CATSPERG: variants seen among roughly 807,000 people sequenced by gnomAD.
The protein encoded by CATSPERG is catsper channel auxiliary subunit gamma.
CATSPERG carries 115 observed loss-of-function variants against 145.0 expected under a neutral mutation model. The observed-to-expected ratio is 0.79, with a 90% CI of 0.68 to 0.93. The LOEUF (loss-of-function observed/expected upper bound fraction) is 0.93, where lower values mean the gene tolerates loss of function less well. Ranked by LOEUF, CATSPERG falls within the 40% of genes least tolerant of loss-of-function variation. The pLI, the probability that CATSPERG is intolerant of heterozygous loss-of-function variation, is 0.00. For synonymous variants in CATSPERG, 588 were observed against 589.0 expected (o/e 1.00, Z 0.02); for missense variants, 1,296 against 1,490.1 (o/e 0.87, Z 2.14).
intron 3 of CATSPERG, among the ~76,000 whole-genome samples, chr19:38,339,542 G>A (rs1969902360): frequency 6.6e-6 from 1 of 152,080 alleles, no homozygotes; most frequent in African/African-American, 2.4e-5. Context: ...TCGGCACACT[G>A]CAGTCTCTGC....
intron 6 of CATSPERG, 94 bp from the exon 7 acceptor site, chr19:38,346,356 C>T: frequency 8.5e-7 from 1 of 1,177,888 alleles, no homozygotes; most frequent in African/African-American, 1.6e-5. Context: ...TCGCGTGGGG[C>T]CTTGTGGGTC....
rs1970462288 is a variant in CATSPERG at position 38,367,068 on chromosome 19, G to A, written c.2614-88G>A. ...AGGCAGCTGGTGGTGGTGTTTGTGG[G>A]AGGGGGACTGTCCTTCCTGCCCCTT... On this transcript the variant is annotated intron_variant, in intron 22 of 28. Transcript: ENST00000409235. The A allele has an allele frequency of 1.7e-5, 21 of 1,271,680 alleles. No homozygotes were observed. In the South Asian group the frequency reaches 3.2e-4, roughly 19 times the overall value. The allele number at this position is 1,271,680 out of a possible 1,614,324, so 78.8% of individuals were successfully genotyped here. A position where few individuals can be genotyped will look rare whatever the true frequency, so the allele number is the denominator to read the frequency against.
intron 13 of CATSPERG, 30 bp downstream of exon 13, chr19:38,358,591 G>A: frequency 6.2e-7 from 1 of 1,613,728 alleles, no homozygotes; most frequent in Non-Finnish European, 8.5e-7. Flanking sequence ...GGGTGGGCCA[G>A]GCATACTCTG....
intron 7 of CATSPERG, among the ~76,000 whole-genome samples, chr19:38,346,839 C>T (rs551490627): frequency 6.7e-4 from 102 of 152,294 alleles, no homozygotes; most frequent in South Asian, 2.5e-3. Context: ...TTCAACGACC[C>T]GGTCTTCAGA....
At chr19:38,338,094 A>T (rs1377586453) in intron 3 of CATSPERG, among the ~76,000 whole-genome samples, 3 of 152,000 alleles carry the variant, frequency 2.0e-5, no homozygotes, top group Admixed American at 6.6e-5. Context: ...TACAGTTCCC[A>T]GTAACCCACC....
At chr19:38,349,651 T>G (rs1159296345) in intron 7 of CATSPERG, 3 of 144,418 alleles carry the variant, frequency 2.1e-5, no homozygotes, top group African/African-American at 2.7e-5. Flanking sequence ...TGTTTTTTTT[T>G]GTTTGTTTGT....
chr19:38,351,149 C>A (rs1970132289), intron 7 of CATSPERG, among the ~76,000 whole-genome samples: 1 of 152,158 alleles, frequency 6.6e-6, no homozygotes, highest in Non-Finnish European at 1.5e-5. Flanking sequence ...AGGTCCCTAC[C>A]ACCCCAACAA....
chr19:38,354,619 A>G (rs552853740), intron 8 of CATSPERG, 91 bp from the exon 9 acceptor site: 2 of 1,467,536 alleles, frequency 1.4e-6, no homozygotes, highest in Non-Finnish European at 1.9e-6. Flanking sequence ...AGGACAGATA[A>G]CAGGCTCACT....
In CATSPERG at chr19:38,362,779, G is replaced by A. The variant is rs1449780256; in HGVS notation, c.2422G>A (p.Glu808Lys). ...GVVLADPGCI[E>K]ASVKQEVLIN... ...GGTGCTGGCCGACCCCGGCTGCATC[G>A]AGGCCTCGGTGAAGCAGGAGGTCCT... Residue 808 changes from glutamate (E) to lysine (K), a missense_variant, in exon 20 of 29, where the codon GAG becomes AAG. Glu to Lys is a moderately conservative substitution (Grantham distance 56, BLOSUM62 1). Coordinates refer to ENST00000409235, the MANE Select transcript of CATSPERG (RefSeq NM_021185.5). 1.9e-6 allele frequency: 3 copies of A among 1,614,168 alleles called. No homozygotes were observed. The East Asian group carries it at 6.7e-5, about 36-fold the overall frequency.
intron 20 of CATSPERG, 35 bp from the exon 21 acceptor site, chr19:38,364,856 C>T (rs1035554217): frequency 2.6e-6 from 4 of 1,530,694 alleles, no homozygotes; most frequent in Admixed American, 3.3e-5. Flanking sequence ...CCTGTTCACC[C>T]CTTCATTTCT....
chr19:38,352,902 A>G (rs1970170164), intron 8 of CATSPERG, among the ~76,000 whole-genome samples: 1 of 151,758 alleles, frequency 6.6e-6, no homozygotes, highest in South Asian at 2.1e-4. Flanking sequence ...ACAGTGGCTC[A>G]GGAGGCCAGA....
chr19:38,361,898 G>C, intron 17 of CATSPERG, 37 bp downstream of exon 17: 1 of 1,557,768 alleles, frequency 6.4e-7, no homozygotes, highest in Non-Finnish European at 8.7e-7. Context: ...GCCTGAGACG[G>C]GACTGGGGCA....
At chr19:38,360,699 C>T (rs1970329585) in intron 15 of CATSPERG, 32 bp from the exon 16 acceptor site, 1 of 1,613,750 alleles carries the variant, frequency 6.2e-7, no homozygotes, top group Non-Finnish European at 8.5e-7. Flanking sequence ...AGGGCTGACC[C>T]CAGCTCACCT....
rs142028835 is a variant in CATSPERG at position 38,352,719 on chromosome 19, G to A, written c.997+287G>A. Among the ~76,000 whole-genome samples the A allele has an allele frequency of 2.9e-3, 431 of 149,302 alleles. 2 individuals are homozygous for A. The highest frequency in any genetic ancestry group is 0.01 in the African/African-American group (417 of 40,712). ...GGGAGGTAGAGAGAGGCAGACCCAC[G>A]CGTGTGCCCACACACAGTGGCAGAA... On this transcript the variant is annotated intron_variant, in intron 8 of 28. Coordinates refer to ENST00000409235, the MANE Select transcript of CATSPERG (RefSeq NM_021185.5).
At chr19:38,367,608 G>C in intron 24 of CATSPERG, 36 bp downstream of exon 24, 1 of 1,613,020 alleles carries the variant, frequency 6.2e-7, no homozygotes, top group Admixed American at 1.7e-5. Context: ...AGGGCAGGTG[G>C]AGGGAGTGGA....
chr19:38,367,646 G>A lies in CATSPERG; in HGVS notation c.2835-35G>A, dbSNP rs201905234. Reference sequence around the variant, plus strand: ...GAGATGGGTGCAGGACTCGAGACCCGGAGGCCAGTCTGTGTGCACTTCTGT... The same window carrying A: ...GAGATGGGTGCAGGACTCGAGACCCAGAGGCCAGTCTGTGTGCACTTCTGT... On this transcript the variant is annotated intron_variant, in intron 24 of 28. Transcript: ENST00000409235. The A allele has an allele frequency of 5.6e-4, 899 of 1,612,520 alleles. 2 individuals carry two copies. Among genetic ancestry groups the A allele is most frequent in the Non-Finnish European group, 6.8e-4 (797 of 1,178,602 alleles).
intron 3 of CATSPERG, among the ~76,000 whole-genome samples, chr19:38,342,182 C>T (rs892244261): frequency 6.6e-6 from 1 of 150,894 alleles, no homozygotes; most frequent in Admixed American, 6.6e-5. Context: ...TCAAGACCAA[C>T]CTGGCCAACA....
intron 10 of CATSPERG, 92 bp downstream of exon 10, chr19:38,356,635 A>C (rs1970248308): frequency 1.3e-6 from 2 of 1,588,876 alleles, no homozygotes; most frequent in Non-Finnish European, 1.7e-6. Context: ...ATGGGAAAGA[A>C]TGGGCAGTGT....
At chr19:38,361,483 G>C (rs1443477574) in intron 16 of CATSPERG, among the ~76,000 whole-genome samples, 165 bp from the exon 17 acceptor site, 4 of 151,972 alleles carry the variant, frequency 2.6e-5, no homozygotes, top group African/African-American at 9.7e-5. Context: ...GGACGTCCGA[G>C]GGGATGTGTG....
Sources: allele counts gnomAD v4.1 joint callset (sites outside exome capture counted in the v4.1 genomes callset), GRCh38; gene constraint gnomAD v4.1.1; transcripts MANE v1.5; gene names NCBI Gene and HGNC (gene_info 2026-07-23, HGNC 2026-07-21).